MYZAP: variants seen among roughly 807,000 people sequenced by gnomAD.
MYZAP encodes the protein myocardial zonula adherens protein.
MYZAP carries 66 observed loss-of-function variants against 69.4 expected under a neutral mutation model. The ratio of observed to expected loss-of-function variants is 0.95; its 90% CI spans 0.78 to 1.17. The LOEUF (loss-of-function observed/expected upper bound fraction) is 1.17. Among genes scored for constraint, MYZAP ranks in the 50% most tolerant of loss-of-function variants. MYZAP has a pLI of 0.00. For synonymous variants in MYZAP, 256 were observed against 205.9 expected, an observed-to-expected ratio of 1.24 and a Z score of -2.09; for missense variants, 611 against 556.2, an observed-to-expected ratio of 1.10 and a Z score of -0.99.
chr15:57,681,244 G>A (rs139709088), intron 12 of MYZAP, among the ~76,000 whole-genome samples: 2 of 152,246 alleles, frequency 1.3e-5, no homozygotes, highest in African/African-American at 4.8e-5. Flanking sequence ...GCCTGGTCAG[G>A]TCAGTGGGGC....
At chr15:57,683,483 C>A (rs1042706100) in intron 12 of MYZAP, among the ~76,000 whole-genome samples, 6 of 152,316 alleles carry the variant, frequency 3.9e-5, no homozygotes, top group African/African-American at 1.4e-4. Flanking sequence ...CACCAGGTGA[C>A]AAGTCCCTTG....
chr15:57,611,465 C>T (rs529887797), intron 2 of MYZAP, among the ~76,000 whole-genome samples: 9 of 152,146 alleles, frequency 5.9e-5, no homozygotes, highest in East Asian at 5.8e-4. Context: ...CCCTTTTCCG[C>T]GGGGGTTATT....
At chr15:57,605,669 G>T (rs1404844881) in intron 2 of MYZAP, among the ~76,000 whole-genome samples, 1 of 152,276 alleles carries the variant, frequency 6.6e-6, no homozygotes, top group East Asian at 1.9e-4. Context: ...ACTAGAGAAA[G>T]GTGAGGAGTA....
chr15:57,643,551 A>G (rs2037279644), intron 10 of MYZAP, among the ~76,000 whole-genome samples: 2 of 152,118 alleles, frequency 1.3e-5, no homozygotes, highest in South Asian at 2.1e-4. Flanking sequence ...AGAGTCATTC[A>G]CACCCTCTTT....
At chr15:57,593,197 C>CAA (rs1421400777) in intron 1 of MYZAP, among the ~76,000 whole-genome samples, 2 of 150,086 alleles carry the variant, frequency 1.3e-5, no homozygotes, top group Non-Finnish European at 2.9e-5. Context: ...CGCACACACA[C>CAA]ACACACACAC....
chr15:57,616,027 C>T (rs892389050), intron 2 of MYZAP, among the ~76,000 whole-genome samples: 8 of 152,202 alleles, frequency 5.3e-5, no homozygotes, highest in Non-Finnish European at 8.8e-5. Flanking sequence ...TGATCTCTAG[C>T]GCCCCTACCC....
intron 11 of MYZAP, among the ~76,000 whole-genome samples, chr15:57,668,518 A>G (rs903481091): frequency 4.0e-5 from 6 of 149,892 alleles, no homozygotes; most frequent in African/African-American, 7.3e-5. Flanking sequence ...TGGCTTTGAA[A>G]GCTCCAAAAT....
intron 11 of MYZAP, among the ~76,000 whole-genome samples, chr15:57,662,314 G>T (rs1299844926): frequency 6.6e-6 from 1 of 152,156 alleles, no homozygotes; most frequent in African/African-American, 2.4e-5. Context: ...TGTGTTCCTC[G>T]TTATAGTCCT....
At chr15:57,605,680 A>C (rs1351497938) in intron 2 of MYZAP, among the ~76,000 whole-genome samples, 1 of 152,196 alleles carries the variant, frequency 6.6e-6, no homozygotes, top group Non-Finnish European at 1.5e-5. Flanking sequence ...GTGAGGAGTA[A>C]AATTGCTGAT....
At chr15:57,646,125 A>T (rs1422834058) in intron 10 of MYZAP, 3 of 1,288,766 alleles carry the variant, frequency 2.3e-6, no homozygotes, top group Admixed American at 2.3e-5. Flanking sequence ...CACTCAATTG[A>T]ACTGTCTCCA....
chr15:57,623,590 G>A (rs942600535), intron 4 of MYZAP, among the ~76,000 whole-genome samples: 3 of 151,896 alleles, frequency 2.0e-5, no homozygotes, highest in Non-Finnish European at 4.4e-5. Flanking sequence ...AAAATTAGCC[G>A]GGCATGGTGG....
chr15:57,621,340 A>G (rs1219864595), intron 3 of MYZAP, among the ~76,000 whole-genome samples: 2 of 151,196 alleles, frequency 1.3e-5, no homozygotes, highest in Admixed American at 6.6e-5. Context: ...CCTCCCGAGT[A>G]GCTGGGACTA....
At position 57,629,684 on chromosome 15, in the gene MYZAP, T is replaced by C; in HGVS notation, c.526-18T>C. ...CACGCCACCGGATCTGGTTTTGTTT[T>C]TATTTTCATCCTCACAGAAAACCCT... On this transcript the variant is annotated intron_variant, in intron 5 of 12. Transcript: ENST00000267853. The C allele has an allele frequency of 6.2e-7, 1 of 1,603,660 alleles. No homozygotes were observed. The highest frequency in any genetic ancestry group is 1.4e-5 in the African/African-American group (1 of 74,052).
intron 12 of MYZAP, 70 bp from the exon 13 acceptor site, chr15:57,684,332 T>G: frequency 1.0e-6 from 1 of 959,568 alleles, no homozygotes; most frequent in Non-Finnish European, 1.7e-6. Context: ...TAGAGTTGTC[T>G]TACCATGTGA....
intron 1 of MYZAP, among the ~76,000 whole-genome samples, chr15:57,592,436 A>C (rs1489948931): frequency 6.6e-6 from 1 of 152,212 alleles, no homozygotes; most frequent in African/African-American, 2.4e-5. Context: ...CCCTACCTTG[A>C]GACTCAAAAG....
At chr15:57,647,707 C>T in intron 10 of MYZAP, 1 of 985,358 alleles carries the variant, frequency 1.0e-6, no homozygotes. Context: ...AGAGTGCCTC[C>T]TAAGTGGATG....
intron 8 of MYZAP, among the ~76,000 whole-genome samples, chr15:57,635,708 A>C (rs58858089): frequency 0.26 from 39,143 of 152,208 alleles, 6,455 homozygotes; most frequent in African/African-American, 0.46. Flanking sequence ...AATCTGTGAG[A>C]GCAGGAATCT....
At chr15:57,593,188 G>A (rs200630567) in intron 1 of MYZAP, among the ~76,000 whole-genome samples, 26 of 114,202 alleles carry the variant, frequency 2.3e-4, no homozygotes, top group Middle Eastern at 9.3e-3. Context: ...GTACACAGGC[G>A]CACACACACA....
chr15:57,595,801 T>C lies in MYZAP; in HGVS notation c.75+3692T>C, dbSNP rs116938909. Among the ~76,000 whole-genome samples, 149 of 152,242 alleles carry C rather than the reference T, an allele frequency of 9.8e-4. 1 individual carries two copies. The East Asian group carries it at 0.024, about 24-fold the overall frequency. ...AACAAGGTCACAGGATAGGACTATC[T>C]CCTAGCCTGCCCTTGCTGATATTTC... On this transcript the variant is annotated intron_variant, in intron 1 of 12. Transcript: ENST00000267853.
Sources: gnomAD v4.1 joint callset for allele counts (sites outside exome capture counted in the v4.1 genomes callset) on GRCh38, gnomAD v4.1.1 for gene constraint, MANE v1.5 for transcripts, NCBI Gene and HGNC (gene_info 2026-07-23, HGNC 2026-07-21) for gene names.